The following BCL2A1 variants were observed in gnomAD, a reference collection of about 807,000 sequenced individuals.
BCL2A1 encodes the protein bcl-2-related protein A1.
In BCL2A1, 10 loss-of-function variants were observed where a neutral mutation model predicts 14.4. That is an observed-to-expected ratio of 0.69 (90% CI 0.43 to 1.18). The LOEUF is 1.18. Among genes scored for constraint, BCL2A1 ranks in the 50% most tolerant of loss-of-function variants. The probability of loss-of-function intolerance (pLI) is 0.00; values close to 1 mark genes in which losing one functional copy is unlikely to be tolerated. For missense variants in BCL2A1, 158 were observed against 205.0 expected (o/e 0.77, Z 1.40); for synonymous variants, 71 against 76.5 (o/e 0.93, Z 0.38).
intron 1 of BCL2A1, among the ~76,000 whole-genome samples, chr15:79,967,221 CTTTTT>C (rs766307327): frequency 1.1e-4 from 13 of 115,048 alleles, no homozygotes; most frequent in African/African-American, 3.4e-4. Context: ...TCACATACCG[CTTTTT>C]TTTTTTTTTT....
intron 1 of BCL2A1, among the ~76,000 whole-genome samples, chr15:79,968,367 C>G (rs2035563772): frequency 6.6e-6 from 1 of 152,140 alleles, no homozygotes; most frequent in African/African-American, 2.4e-5. Context: ...TATAGCCTCC[C>G]ACAGCCAACC....
At chr15:79,970,633 T>C (rs1436333512) in intron 1 of BCL2A1, 67 bp downstream of exon 1, 5 of 1,461,894 alleles carry the variant, frequency 3.4e-6, no homozygotes, top group Non-Finnish European at 4.6e-6. Context: ...TTGTTTTAAC[T>C]AGCAAGGAAA....
intron 1 of BCL2A1, chr15:79,967,836 T>C (rs1406926533): frequency 1.7e-6 from 1 of 596,592 alleles, no homozygotes; most frequent in Non-Finnish European, 3.0e-6. Context: ...ATGTCTCATC[T>C]GAGCTGGGAA....
chr15:79,970,358 A>G (rs1461947651), intron 1 of BCL2A1, among the ~76,000 whole-genome samples: 1 of 152,206 alleles, frequency 6.6e-6, no homozygotes, highest in Non-Finnish European at 1.5e-5. Flanking sequence ...TACTGTCATG[A>G]CAACCCTAGC....
At chr15:79,961,870 C>T (rs1471557255) in intron 1 of BCL2A1, among the ~76,000 whole-genome samples, 1 of 152,118 alleles carries the variant, frequency 6.6e-6, no homozygotes, top group Non-Finnish European at 1.5e-5. Flanking sequence ...ATAATCCTCA[C>T]CAAAAACTAT....
At chr15:79,967,511 C>G (rs1053410410) in intron 1 of BCL2A1, 4 of 1,070,690 alleles carry the variant, frequency 3.7e-6, no homozygotes, top group Non-Finnish European at 5.3e-6. Flanking sequence ...CCACTGCACC[C>G]GGCACATACC....
intron 1 of BCL2A1, among the ~76,000 whole-genome samples, chr15:79,962,241 C>G (rs927676962): frequency 6.6e-6 from 1 of 152,070 alleles, no homozygotes; most frequent in Non-Finnish European, 1.5e-5. Context: ...CTCTGCGGTG[C>G]CTTGGAATCA....
rs2035590545 is a variant in BCL2A1, at chr15:79,971,124, T to C, written c.-5A>G. On this transcript the variant is annotated 5_prime_UTR_variant, in exon 1 of 2. Coordinates refer to ENST00000267953, the MANE Select transcript of BCL2A1 (RefSeq NM_004049.4). ...TCCAAATTCACAGTCTGTCATCTTC[T>C]GCCTGGTGGAGAGCAAAGTCTTGAG... 1 of 1,610,584 alleles carries C rather than the reference T, an allele frequency of 6.2e-7. No homozygotes were observed. Among genetic ancestry groups the C allele is most frequent in the Non-Finnish European group, 8.5e-7 (1 of 1,177,726 alleles).
chr15:79,963,345 A>G (rs887625607), intron 1 of BCL2A1, among the ~76,000 whole-genome samples: 1 of 152,194 alleles, frequency 6.6e-6, no homozygotes. Flanking sequence ...CTAGGAAAAT[A>G]TTTACATATA....
intron 1 of BCL2A1, among the ~76,000 whole-genome samples, chr15:79,965,850 A>G (rs1207416233): frequency 6.6e-6 from 1 of 152,138 alleles, no homozygotes; most frequent in East Asian, 1.9e-4. Context: ...CCTTTTGGAA[A>G]TGCCTTTGCC....
chr15:79,962,450 G>C (rs1292891190), intron 1 of BCL2A1, among the ~76,000 whole-genome samples: 1 of 152,052 alleles, frequency 6.6e-6, no homozygotes. Flanking sequence ...CATACTCATA[G>C]TTTCCTATAC....
At chr15:79,964,447 T>C (rs1210993786) in intron 1 of BCL2A1, among the ~76,000 whole-genome samples, 1 of 152,148 alleles carries the variant, frequency 6.6e-6, no homozygotes, top group Admixed American at 6.5e-5. Context: ...CCAGCCTGGG[T>C]GACAGCAAGA....
intron 1 of BCL2A1, among the ~76,000 whole-genome samples, chr15:79,964,212 G>A (rs765293088): frequency 3.3e-5 from 5 of 152,176 alleles, no homozygotes; most frequent in Non-Finnish European, 7.3e-5. Flanking sequence ...AATGGTGATA[G>A]TTTGTTAAAT....
intron 1 of BCL2A1, among the ~76,000 whole-genome samples, chr15:79,966,810 G>A (rs2035545600): frequency 7.2e-6 from 1 of 138,392 alleles, no homozygotes; most frequent in African/African-American, 2.9e-5. Flanking sequence ...AGGCAGGAAG[G>A]CAGGAAAGCA....
At position 79,970,913 on chromosome 15, in the gene BCL2A1, T is replaced by G. The variant is rs138534762; in HGVS notation, c.207A>C (p.Thr69=). 301 of 1,614,238 alleles carry G rather than the reference T, an allele frequency of 1.9e-4. No homozygotes were observed. Among genetic ancestry groups the G allele is most frequent in the Admixed American group, 4.0e-4 (24 of 60,034 alleles). ...CCTTTTCCATCACTTGGTTGAATAGTGTTCTGGCAGTGTCTACGGACACAA... is the reference window on the plus strand; with the variant it reads ...CCTTTTCCATCACTTGGTTGAATAGGGTTCTGGCAGTGTCTACGGACACAA... ...VNVVSVDTAR[T]LFNQVMEKEF... The change falls in exon 1 of 2, where the codon ACA becomes ACC. Residue 69 remains threonine, a synonymous_variant. Transcript: ENST00000267953.
chr15:79,965,983 A>C (rs1448857826), intron 1 of BCL2A1, among the ~76,000 whole-genome samples: 3 of 151,542 alleles, frequency 2.0e-5, no homozygotes, highest in Non-Finnish European at 1.5e-5. Context: ...AAGAAAAAAA[A>C]CCTCTTGACC....
At chr15:79,966,582 G>C (rs2035543624) in intron 1 of BCL2A1, among the ~76,000 whole-genome samples, 1 of 152,226 alleles carries the variant, frequency 6.6e-6, no homozygotes, top group Non-Finnish European at 1.5e-5. Context: ...GTGATCCCAA[G>C]AGAAGAGACA....
At chr15:79,966,541 G>C (rs1163589206) in intron 1 of BCL2A1, among the ~76,000 whole-genome samples, 3 of 152,166 alleles carry the variant, frequency 2.0e-5, no homozygotes, top group Admixed American at 6.5e-5. Context: ...GGGGGAGGAA[G>C]TAAGAAGACC....
intron 1 of BCL2A1, among the ~76,000 whole-genome samples, chr15:79,965,090 T>A (rs1596126058): frequency 6.6e-6 from 1 of 152,064 alleles, no homozygotes; most frequent in South Asian, 2.1e-4. Context: ...GCTTGGAGGG[T>A]TATGATTAGG....
Sources: gnomAD v4.1 joint callset for allele counts (sites outside exome capture counted in the v4.1 genomes callset) on GRCh38, gnomAD v4.1.1 for gene constraint, MANE v1.5 for transcripts, NCBI Gene and HGNC (gene_info 2026-07-23, HGNC 2026-07-21) for gene names.